COL24A1: variants seen among roughly 807,000 people sequenced by gnomAD.
COL24A1 encodes the protein collagen type XXIV alpha 1 chain, also known as collagen alpha-1(XXIV) chain.
COL24A1 carries 224 observed loss-of-function variants against 253.9 expected under a neutral mutation model. The ratio of observed to expected loss-of-function variants is 0.88; its 90% confidence interval spans 0.79 to 0.99. The LOEUF is 0.99. Among genes scored for constraint, COL24A1 ranks in the 50% least tolerant of loss-of-function variants. The pLI is 0.00. For missense variants in COL24A1, 2,131 were observed against 2,068.5 expected, an observed-to-expected ratio of 1.03 and a Z score of -0.59; for synonymous variants, 685 against 673.7, an observed-to-expected ratio of 1.02 and a Z score of -0.26.
At chr1:85,853,521 T>G (rs1678060137) in intron 37 of COL24A1, among the ~76,000 whole-genome samples, 1 of 152,212 alleles carries the variant, frequency 6.6e-6, no homozygotes, top group African/African-American at 2.4e-5. Context: ...TGGTAGTTCT[T>G]TTAAAGTTCT....
chr1:85,866,326 CT>C lies in COL24A1; in HGVS notation c.3300+2192del, dbSNP rs202101972. 8.9e-4 allele frequency among the ~76,000 whole-genome samples: 136 copies of C among 152,260 alleles called. 1 individual carries two copies. In the East Asian group the frequency reaches 0.02, roughly 23 times the overall value. On this transcript the variant is annotated intron_variant, in intron 37 of 59. Coordinates refer to ENST00000370571, the MANE Select transcript of COL24A1 (RefSeq NM_152890.7). Reference sequence around the variant, plus strand: ...TAGTAAATAAATAAAGCAGTGCCATCTGCTATATTATCTTGTACAAATCTCT... The same window carrying C: ...TAGTAAATAAATAAAGCAGTGCCATCGCTATATTATCTTGTACAAATCTCT...
intron 35 of COL24A1, among the ~76,000 whole-genome samples, chr1:85,870,670 C>G (rs942454711): frequency 1.1e-4 from 16 of 152,286 alleles, no homozygotes; most frequent in Admixed American, 7.2e-4. Context: ...ACACAACACA[C>G]CAGAATCTCT....
chr1:86,101,669 G>A (rs1438656575), intron 5 of COL24A1, among the ~76,000 whole-genome samples: 1 of 152,144 alleles, frequency 6.6e-6, no homozygotes, highest in Non-Finnish European at 1.5e-5. Context: ...CTTTAATTCT[G>A]TTTATGTGAT....
At chr1:85,860,657 C>T (rs537110437) in intron 37 of COL24A1, among the ~76,000 whole-genome samples, 24 of 152,274 alleles carry the variant, frequency 1.6e-4, no homozygotes, top group African/African-American at 4.3e-4. Flanking sequence ...AGGAGAATGG[C>T]GTGAACCTGG....
chr1:85,856,861 A>G (rs1472008478), intron 37 of COL24A1, among the ~76,000 whole-genome samples: 3 of 152,118 alleles, frequency 2.0e-5, no homozygotes, highest in Admixed American at 2.0e-4. Flanking sequence ...TTAACATTTC[A>G]TGAGTTGAGT....
chr1:85,830,551 C>T (rs1433923161), intron 43 of COL24A1, among the ~76,000 whole-genome samples: 1 of 152,166 alleles, frequency 6.6e-6, no homozygotes, highest in African/African-American at 2.4e-5. Context: ...TGATCTCAGA[C>T]TGCTGTGCTA....
At chr1:86,131,821 T>A (rs9660356) in intron 2 of COL24A1, among the ~76,000 whole-genome samples, 23,968 of 151,994 alleles carry the variant, frequency 0.16, 1,957 homozygotes, top group South Asian at 0.24. Context: ...GCAATAAACA[T>A]ATGTGTGCAT....
At chr1:86,023,970 A>C (rs959085921) in intron 14 of COL24A1, among the ~76,000 whole-genome samples, 2 of 152,084 alleles carry the variant, frequency 1.3e-5, no homozygotes, top group South Asian at 2.1e-4. Context: ...GGAACTCTTA[A>C]AGTTGCATTT....
In COL24A1 at chr1:85,896,370, T is replaced by C. The variant is rs1188937174; in HGVS notation, c.2818A>G (p.Ile940Val). ...TCAATGATTACCTTGGCACCTTGTATACCTTGTTCCCCTAAGAGACCATCT... is the reference window on the plus strand; with the variant it reads ...TCAATGATTACCTTGGCACCTTGTACACCTTGTTCCCCTAAGAGACCATCT... ...GPDGLLGEQG[I>V]QGAKGEKGDQ... is the part of the protein sequence containing the mutation. The change falls in exon 29 of 60, where the codon ATA becomes GTA. Residue 940 changes from isoleucine (I) to valine (V), a missense_variant. Ile to Val is a conservative substitution (Grantham distance 29, BLOSUM62 3). Transcript: ENST00000370571. 1 of 1,613,486 alleles carries C rather than the reference T, an allele frequency of 6.2e-7. No homozygotes were observed. Among genetic ancestry groups the C allele is most frequent in the Non-Finnish European group, 8.5e-7 (1 of 1,179,408 alleles).
intron 37 of COL24A1, among the ~76,000 whole-genome samples, chr1:85,854,684 C>A (rs1175065192): frequency 6.6e-6 from 1 of 151,456 alleles, no homozygotes; most frequent in African/African-American, 2.4e-5. Flanking sequence ...TCTTTCACCT[C>A]CCTGGTTACT....
rs1471906749 is a variant in COL24A1 at position 85,765,038 on chromosome 1, T to C, written c.4375-3472A>G. Among the ~76,000 whole-genome samples, 5 of 152,242 alleles carry C rather than the reference T, an allele frequency of 3.3e-5. No homozygotes were observed. The East Asian group carries it at 9.6e-4, about 29-fold the overall frequency. On this transcript the variant is annotated intron_variant, in intron 53 of 59. Transcript: ENST00000370571. ...ATTTAAAAAGTTTGATACTTTTAAA[T>C]GAATGATTTATACTATTTATGAATT...
rs186232518 is a variant in COL24A1, at chr1:86,070,181, T to C, written c.1708-6422A>G. Among the ~76,000 whole-genome samples the C allele has an allele frequency of 3.6e-4, 55 of 152,244 alleles. 1 individual carries two copies. The highest frequency in any genetic ancestry group is 1.3e-3 in the African/African-American group (54 of 41,536). Reference sequence around the variant, plus strand: ...AAATTCCACAGTTGAAAAATACAACTGAATGCTGAAGAATGTATCAGAGTC... The same window carrying C: ...AAATTCCACAGTTGAAAAATACAACCGAATGCTGAAGAATGTATCAGAGTC... On this transcript the variant is annotated intron_variant, in intron 7 of 59. Coordinates refer to ENST00000370571, the MANE Select transcript of COL24A1 (RefSeq NM_152890.7).
At chr1:85,800,256 T>C (rs1385504233) in intron 47 of COL24A1, among the ~76,000 whole-genome samples, 1 of 152,162 alleles carries the variant, frequency 6.6e-6, no homozygotes, top group Non-Finnish European at 1.5e-5. Flanking sequence ...TCTCTGGTCA[T>C]TGCCCTATTT....
intron 47 of COL24A1, among the ~76,000 whole-genome samples, chr1:85,809,208 A>T (rs1166988249): frequency 2.0e-5 from 3 of 151,958 alleles, no homozygotes; most frequent in Non-Finnish European, 4.4e-5. Context: ...TGGCCACATG[A>T]CTCCTGAGCA....
chr1:85,858,908 C>CA (rs1361571639), intron 37 of COL24A1, among the ~76,000 whole-genome samples: 3 of 151,860 alleles, frequency 2.0e-5, no homozygotes, highest in Admixed American at 2.0e-4. Flanking sequence ...GCAAATTTTA[C>CA]AAAATTTTTG....
chr1:85,816,389 G>A (rs1299574934), intron 47 of COL24A1, among the ~76,000 whole-genome samples: 1 of 152,088 alleles, frequency 6.6e-6, no homozygotes, highest in Admixed American at 6.6e-5. Context: ...GGCTATAAAA[G>A]TAAAGGGAAA....
rs117096531 is a variant in COL24A1 at position 86,129,974 on chromosome 1, C to G, written c.122-3760G>C. On this transcript the variant is annotated intron_variant, in intron 2 of 59. Transcript: ENST00000370571. The stretch of plus-strand genomic sequence containing the variant: ...TCAACTGAGAGATAAAGTATCTTAC[C>G]AGTAGTGTGTCTATTTGGCCTTTTC... Among the ~76,000 whole-genome samples, 806 of 151,752 alleles carry G rather than the reference C, an allele frequency of 5.3e-3. 16 individuals carry two copies. In the East Asian group the frequency reaches 0.065, roughly 12 times the overall value.
chr1:85,896,326 A>G, intron 29 of COL24A1, 30 bp downstream of exon 29: 1 of 1,583,866 alleles, frequency 6.3e-7, no homozygotes, highest in South Asian at 1.1e-5. Flanking sequence ...AAATTTAACT[A>G]CATATGAAAT....
chr1:86,071,909 C>A (rs1342450382), intron 7 of COL24A1, among the ~76,000 whole-genome samples: 1 of 152,074 alleles, frequency 6.6e-6, no homozygotes, highest in Non-Finnish European at 1.5e-5. Context: ...AGCAAAGGGT[C>A]AGGGAACTCC....
Sources: gnomAD v4.1 joint callset for allele counts (sites outside exome capture counted in the v4.1 genomes callset) on GRCh38, gnomAD v4.1.1 for gene constraint, MANE v1.5 for transcripts, NCBI Gene and HGNC (gene_info 2026-07-23, HGNC 2026-07-21) for gene names.